PPFIA2: variants seen among roughly 807,000 people sequenced by gnomAD.
PPFIA2 encodes the protein PPFI scaffold protein A2.
In PPFIA2, 46 loss-of-function variants were observed where a neutral mutation model predicts 175.5. The ratio of observed to expected loss-of-function variants is 0.26; its 90% confidence interval spans 0.21 to 0.34. The LOEUF is 0.34. Ranked by LOEUF, PPFIA2 falls within the 10% of genes least tolerant of loss-of-function variation. The probability of loss-of-function intolerance (pLI) is 1.00; values close to 1 mark genes in which losing one functional copy is unlikely to be tolerated. For synonymous variants in PPFIA2, 568 were observed against 511.4 expected (o/e 1.11, Z -1.49); for missense variants, 1,179 against 1,506.1 (o/e 0.78, Z 3.60).
At chr12:81,472,962 T>C (rs867733636) in intron 4 of PPFIA2, 2 of 152,192 alleles carry the variant, frequency 1.3e-5, no homozygotes, top group African/African-American at 2.4e-5. Flanking sequence ...ATTACTCACA[T>C]ATTATCTTAA....
intron 4 of PPFIA2, among the ~76,000 whole-genome samples, chr12:81,494,262 C>A (rs1177603317): frequency 1.3e-5 from 2 of 151,870 alleles, no homozygotes; most frequent in South Asian, 2.1e-4. Flanking sequence ...AAACAAACAA[C>A]CCCATCAAAA....
At chr12:81,402,690 C>T (rs915585398) in intron 8 of PPFIA2, among the ~76,000 whole-genome samples, 3 of 151,896 alleles carry the variant, frequency 2.0e-5, no homozygotes, top group African/African-American at 4.8e-5. Flanking sequence ...TCTGTCTCTA[C>T]AAAAATTACC....
intron 4 of PPFIA2, among the ~76,000 whole-genome samples, chr12:81,466,945 T>C (rs995537474): frequency 6.8e-6 from 1 of 147,768 alleles, no homozygotes; most frequent in South Asian, 2.1e-4. Context: ...TATACATAAA[T>C]ATATATATAT....
intron 4 of PPFIA2, among the ~76,000 whole-genome samples, chr12:81,494,157 A>G (rs1593949534): frequency 6.6e-6 from 1 of 152,076 alleles, no homozygotes; most frequent in East Asian, 1.9e-4. Context: ...TGAACAGGCA[A>G]CCTACAAAAT....
At chr12:81,434,675 T>C in intron 7 of PPFIA2, among the ~76,000 whole-genome samples, 1 of 152,094 alleles carries the variant, frequency 6.6e-6, no homozygotes, top group Non-Finnish European at 1.5e-5. Flanking sequence ...TAATAGTATG[T>C]ACCTTCCAGC....
At chr12:81,366,827 A>G (rs917111398) in intron 14 of PPFIA2, among the ~76,000 whole-genome samples, 12 of 151,788 alleles carry the variant, frequency 7.9e-5, no homozygotes, top group Non-Finnish European at 1.5e-4. Flanking sequence ...TTAATGTTAT[A>G]AGTCAAGATA....
chr12:81,493,425 T>C (rs1242007553), intron 4 of PPFIA2, among the ~76,000 whole-genome samples: 2 of 151,800 alleles, frequency 1.3e-5, no homozygotes, highest in Non-Finnish European at 2.9e-5. Flanking sequence ...ATTACAGGGA[T>C]GGGAAACACC....
chr12:81,326,250 T>C (rs2054734617), intron 21 of PPFIA2, among the ~76,000 whole-genome samples: 1 of 152,124 alleles, frequency 6.6e-6, no homozygotes, highest in South Asian at 2.1e-4. Context: ...TTCAACACGT[T>C]AAGTATTTGC....
chr12:81,568,551 C>A (rs994146806), intron 4 of PPFIA2, among the ~76,000 whole-genome samples: 1 of 152,164 alleles, frequency 6.6e-6, no homozygotes, highest in Non-Finnish European at 1.5e-5. Flanking sequence ...CAATTGCAGG[C>A]CTTCAGGCAC....
intron 3 of PPFIA2, among the ~76,000 whole-genome samples, chr12:81,739,054 T>C (rs992056055): frequency 6.6e-6 from 1 of 151,932 alleles, no homozygotes; most frequent in East Asian, 1.9e-4. Context: ...ACATATGATA[T>C]AGTCAAATAA....
chr12:81,418,333 C>G (rs919955008), intron 7 of PPFIA2, among the ~76,000 whole-genome samples: 1 of 151,808 alleles, frequency 6.6e-6, no homozygotes, highest in African/African-American at 2.4e-5. Context: ...TACTTGCCAA[C>G]GCTAATTTCT....
At chr12:81,432,464 T>A (rs1433286270) in intron 7 of PPFIA2, among the ~76,000 whole-genome samples, 1 of 89,400 alleles carries the variant, frequency 1.1e-5, no homozygotes, top group Non-Finnish European at 1.9e-5. Flanking sequence ...CAGAACTAAC[T>A]TTTTTTTTTT....
At chr12:81,737,434 CA>C (rs1268968331) in intron 3 of PPFIA2, among the ~76,000 whole-genome samples, 1 of 150,992 alleles carries the variant, frequency 6.6e-6, no homozygotes. Flanking sequence ...GACATCTGGC[CA>C]AAAAAAATAA....
In PPFIA2 at chr12:81,532,357, T is replaced by C. The variant is rs527615931; in HGVS notation, c.304-74491A>G. 1.1e-4 allele frequency among the ~76,000 whole-genome samples: 16 copies of C among 151,852 alleles called. No individual in the cohort carries two copies. The South Asian group carries it at 3.3e-3, about 31-fold the overall frequency. On this transcript the variant is annotated intron_variant, in intron 4 of 32. Coordinates refer to ENST00000549396, the MANE Select transcript of PPFIA2 (RefSeq NM_003625.5). ...AAAAAAGAAAGTGAGATGAAAATCATATAGTCCCTGAGAGACTATCAGAGC... is the reference window on the plus strand; with the variant it reads ...AAAAAAGAAAGTGAGATGAAAATCACATAGTCCCTGAGAGACTATCAGAGC...
At chr12:81,513,642 A>C (rs955723854) in intron 4 of PPFIA2, among the ~76,000 whole-genome samples, 1 of 152,040 alleles carries the variant, frequency 6.6e-6, no homozygotes, top group African/African-American at 2.4e-5. Flanking sequence ...TATGTTCACC[A>C]TACTAAGAAA....
intron 7 of PPFIA2, among the ~76,000 whole-genome samples, chr12:81,410,026 A>G (rs2043639722): frequency 6.6e-6 from 1 of 152,108 alleles, no homozygotes; most frequent in Non-Finnish European, 1.5e-5. Flanking sequence ...TAGTACCAAT[A>G]TAAAAGGCCT....
rs1183942018 is a variant in PPFIA2, at chr12:81,258,488, T to C, written c.*1206A>G. The C allele has an allele frequency of 1.3e-5, 2 of 152,170 alleles. No individual in the cohort carries two copies. Among genetic ancestry groups the C allele is most frequent in the African/African-American group, 4.8e-5 (2 of 41,444 alleles). The allele number at this position is 152,170 out of a possible 1,614,324, so 9.4% of individuals were successfully genotyped here. ...ATAAATGGTATTATTAAATAGGCTT[T>C]ACTTTGAATCTCCCATATAAACAAA... On this transcript the variant is annotated 3_prime_UTR_variant, in exon 33 of 33. Coordinates refer to ENST00000549396, the MANE Select transcript of PPFIA2 (RefSeq NM_003625.5).
intron 4 of PPFIA2, among the ~76,000 whole-genome samples, chr12:81,673,090 C>T (rs2071744432): frequency 6.6e-6 from 1 of 151,972 alleles, no homozygotes; most frequent in Non-Finnish European, 1.5e-5. Flanking sequence ...TACCTGTTGA[C>T]TTACACCTAG....
intron 4 of PPFIA2, among the ~76,000 whole-genome samples, chr12:81,651,521 C>G (rs1449108901): frequency 6.6e-6 from 1 of 152,084 alleles, no homozygotes; most frequent in Non-Finnish European, 1.5e-5. Context: ...TTACTACTCT[C>G]TCTTTCCCTC....
Sources: gnomAD v4.1 joint callset for allele counts (sites outside exome capture counted in the v4.1 genomes callset) on GRCh38, gnomAD v4.1.1 for gene constraint, MANE v1.5 for transcripts, NCBI Gene and HGNC (gene_info 2026-07-23, HGNC 2026-07-21) for gene names.